Variants in SATL1 observed in about 807,000 individuals in gnomAD.
SATL1 encodes spermidine/spermine N(1)-acetyltransferase-like protein 1.
In SATL1, 47 loss-of-function variants were observed where a neutral mutation model predicts 51.8. The observed-to-expected ratio is 0.91, with a 90% CI of 0.72 to 1.16. The LOEUF (loss-of-function observed/expected upper bound fraction) is 1.16. SATL1 is among the 50% of genes most tolerant of loss of function. The pLI is 0.00. For missense variants in SATL1, 520 were observed against 526.4 expected (o/e 0.99, Z 0.12); for synonymous variants, 176 against 182.4 (o/e 0.97, Z 0.28).
intron 4 of SATL1, among the ~76,000 whole-genome samples, chrX:85,097,122 A>C (rs1764798783): frequency 9.0e-6 from 1 of 111,213 alleles, no homozygotes; most frequent in Admixed American, 9.6e-5. Flanking sequence ...TTTCAAACAC[A>C]GATCAAAAAC....
At chrX:85,109,902 CG>C (rs1189896635) in intron 2 of SATL1, among the ~76,000 whole-genome samples, 2 of 110,889 alleles carry the variant, frequency 1.8e-5, no homozygotes, top group African/African-American at 6.6e-5. Flanking sequence ...CCCAGCTACT[CG>C]GGAGGCTGAG....
chrX:85,184,043 T>C (rs1270983396), intron 2 of SATL1, among the ~76,000 whole-genome samples: 1 of 111,873 alleles, frequency 8.9e-6, no homozygotes, highest in East Asian at 2.8e-4. Context: ...ACATGTGAAG[T>C]TTGTCTTTCT....
intron 1 of SATL1, among the ~76,000 whole-genome samples, chrX:85,230,033 C>G (rs1928349674): frequency 9.0e-6 from 1 of 111,427 alleles, no homozygotes; most frequent in Non-Finnish European, 1.9e-5. Context: ...CAATCCCTAT[C>G]AAAATCCCAA....
chrX:85,138,413 C>T (rs1926018308), intron 2 of SATL1, among the ~76,000 whole-genome samples: 1 of 111,916 alleles, frequency 8.9e-6, no homozygotes, highest in Admixed American at 9.5e-5. Flanking sequence ...TTGTGATCCA[C>T]TATTATTATA....
At chrX:85,195,206 G>T (rs1440345259) in intron 2 of SATL1, among the ~76,000 whole-genome samples, 3 of 110,931 alleles carry the variant, frequency 2.7e-5, no homozygotes, top group Non-Finnish European at 5.7e-5. Context: ...TTAAAACTAT[G>T]GGAGTAAATA....
At chrX:85,223,504 T>A (rs941012294) in intron 2 of SATL1, among the ~76,000 whole-genome samples, 6 of 111,386 alleles carry the variant, frequency 5.4e-5, no homozygotes, top group African/African-American at 2.0e-4. Flanking sequence ...TTAGATTAGA[T>A]GACCTCTTGG....
chrX:85,197,752 G>GT (rs771192024), intron 2 of SATL1, among the ~76,000 whole-genome samples: 20 of 106,563 alleles, frequency 1.9e-4, no homozygotes, highest in Non-Finnish European at 2.9e-4. Context: ...GCGGTGTTTG[G>GT]TTTTTTGTCC....
chrX:85,139,677 C>A (rs1189849259), intron 2 of SATL1, among the ~76,000 whole-genome samples: 1 of 111,597 alleles, frequency 9.0e-6, no homozygotes, highest in Non-Finnish European at 1.9e-5. Flanking sequence ...CTTCGTAAAT[C>A]TCAGAAAGAG....
At chrX:85,149,434 G>A (rs1248011413) in intron 2 of SATL1, among the ~76,000 whole-genome samples, 1 of 111,154 alleles carries the variant, frequency 9.0e-6, no homozygotes, top group African/African-American at 3.3e-5. Context: ...AGGATATCCA[G>A]GAATTGAACT....
rs186847416 is a variant in SATL1 at position 85,226,861 on chromosome X, T to C, written c.-434-2535A>G. On this transcript the variant is annotated intron_variant, in intron 1 of 7. Transcript: ENST00000644105. ...CTTTTAGCACCCTGGCTTTTATAAT[T>C]CTTCAACCTTTATAAGATATGCATT... Among the ~76,000 whole-genome samples the C allele has an allele frequency of 1.7e-3, 193 of 111,158 alleles. 1 individual carries two copies. Among genetic ancestry groups the C allele is most frequent in the African/African-American group, 6.1e-3 (186 of 30,679 alleles).
In SATL1 at chrX:85,107,526, T is replaced by C; in HGVS notation, c.1443A>G (p.Ile481Met). 7 of 1,211,808 alleles carry C rather than the reference T, an allele frequency of 5.8e-6. No homozygotes were observed. The highest frequency in any genetic ancestry group is 7.8e-6 in the Non-Finnish European group (7 of 895,469). ...MSHPGRGQPG[I>M]WEPGPSQPGL... ...CTGGCTGACTCGGCCCCGGTTCCCATATGCCTGGTTGGCCCCTGCCTGGAT... is the reference window on the plus strand; with the variant it reads ...CTGGCTGACTCGGCCCCGGTTCCCACATGCCTGGTTGGCCCCTGCCTGGAT... Residue 481 changes from isoleucine to methionine, a missense_variant, in exon 3 of 8, where the codon ATA (isoleucine) becomes ATG (methionine). Physicochemically the swap from Ile to Met is conservative, Grantham distance 10. Transcript: ENST00000644105.
chrX:85,154,401 C>G (rs1926537914), intron 2 of SATL1, among the ~76,000 whole-genome samples: 1 of 111,924 alleles, frequency 8.9e-6, no homozygotes, highest in Admixed American at 9.5e-5. Flanking sequence ...CATTGGGCTT[C>G]ATGTTCCTAA....
intron 2 of SATL1, among the ~76,000 whole-genome samples, chrX:85,203,431 G>A (rs182297852): frequency 5.4e-5 from 6 of 110,926 alleles, no homozygotes; most frequent in Admixed American, 4.8e-4. Flanking sequence ...GTCACCCAAA[G>A]AGCAAAGCAC....
In SATL1 at chrX:85,133,399, A is replaced by G. The variant is rs757703111; in HGVS notation, c.-312-24119T>C. 8.9e-5 allele frequency among the ~76,000 whole-genome samples: 10 copies of G among 112,044 alleles called. No homozygotes were observed. In the East Asian group the frequency reaches 2.8e-3, roughly 32 times the overall value. ...CTCCCCCAGCCAGGCTTGCCACCTC[A>G]CAGTTCGATCTTGGACTAGCAGTGA... On this transcript the variant is annotated intron_variant, in intron 2 of 7. Transcript: ENST00000644105.
chrX:85,152,459 A>C (rs1024387342), intron 2 of SATL1, among the ~76,000 whole-genome samples: 5 of 111,832 alleles, frequency 4.5e-5, no homozygotes, highest in African/African-American at 1.6e-4. Flanking sequence ...CAGCCATCCC[A>C]TTACTGGGTG....
intron 2 of SATL1, among the ~76,000 whole-genome samples, chrX:85,203,750 C>G (rs1927734521): frequency 8.9e-6 from 1 of 112,680 alleles, no homozygotes; most frequent in African/African-American, 3.2e-5. Flanking sequence ...GGTACCTGAA[C>G]AGCAAAGATG....
At chrX:85,097,353 T>C (rs1310565281) in intron 4 of SATL1, among the ~76,000 whole-genome samples, 2 of 112,160 alleles carry the variant, frequency 1.8e-5, no homozygotes, top group Non-Finnish European at 3.8e-5. Context: ...TTACTTTTTA[T>C]TTTTTTGAGA....
intron 2 of SATL1, among the ~76,000 whole-genome samples, chrX:85,221,851 G>A (rs781718229): frequency 8.9e-6 from 1 of 112,191 alleles, no homozygotes; most frequent in South Asian, 3.8e-4. Flanking sequence ...TAGGACTTCT[G>A]TAGGTGTTTA....
intron 2 of SATL1, among the ~76,000 whole-genome samples, chrX:85,141,456 T>A (rs988890933): frequency 8.9e-6 from 1 of 112,113 alleles, no homozygotes; most frequent in Non-Finnish European, 1.9e-5. Context: ...AGCTGAAATG[T>A]TGCCTTCCTA....
Sources: gnomAD v4.1 joint callset for allele counts (sites outside exome capture counted in the v4.1 genomes callset) on GRCh38, gnomAD v4.1.1 for gene constraint, MANE v1.5 for transcripts, NCBI Gene and HGNC (gene_info 2026-07-23, HGNC 2026-07-21) for gene names.